Variants in CFTR observed in about 807,000 individuals in gnomAD.
CFTR encodes the protein CF transmembrane conductance regulator.
CFTR carries 181 observed loss-of-function variants against 171.6 expected under a neutral mutation model. The ratio of observed to expected loss-of-function variants is 1.05; its 90% confidence interval spans 0.93 to 1.19. CFTR has a LOEUF of 1.19. Among genes scored for constraint, CFTR ranks in the 50% most tolerant of loss-of-function variants. The pLI is 0.00. For synonymous variants in CFTR, 583 were observed against 608.0 expected, an observed-to-expected ratio of 0.96 and a Z score of 0.60; for missense variants, 1,968 against 1,734.7, an observed-to-expected ratio of 1.13 and a Z score of -2.39.
intron 24 of CFTR, among the ~76,000 whole-genome samples, chr7:117,653,886 C>G (rs1229938881): frequency 6.6e-6 from 1 of 152,112 alleles, no homozygotes; most frequent in Non-Finnish European, 1.5e-5. Context: ...ATTGTGAAAT[C>G]AAACCTATTA....
rs1792042277 is a variant in CFTR at position 117,592,297 on chromosome 7, A to C, written c.2130A>C (p.Lys710Asn). Reference sequence around the variant, plus strand: ...TCAATCCAATCAACTCTATACGAAAATTTTCCATTGTGCAAAAGACTCCCT... The same window carrying C: ...TCAATCCAATCAACTCTATACGAAACTTTTCCATTGTGCAAAAGACTCCCT... ...SILNPINSIR[K>N]FSIVQKTPLQ... Residue 710 changes from lysine to asparagine, a missense_variant, in exon 14 of 27, where the codon AAA becomes AAC. Coordinates refer to ENST00000003084, the MANE Select transcript of CFTR (RefSeq NM_000492.4). The C allele has an allele frequency of 1.2e-6, 2 of 1,613,938 alleles. No homozygotes were observed. The highest frequency in any genetic ancestry group is 1.7e-6 in the Non-Finnish European group (2 of 1,180,020).
chr7:117,583,470 T>C (rs890818074), intron 11 of CFTR, among the ~76,000 whole-genome samples: 1 of 152,210 alleles, frequency 6.6e-6, no homozygotes, highest in African/African-American at 2.4e-5. Flanking sequence ...AAATTGTCTC[T>C]AGCTCCATTC....
intron 15 of CFTR, among the ~76,000 whole-genome samples, chr7:117,599,867 C>T (rs1393878782): frequency 1.3e-5 from 2 of 152,020 alleles, no homozygotes; most frequent in African/African-American, 2.4e-5. Flanking sequence ...GTCTCATGAG[C>T]ATGTCACATT....
chr7:117,655,132 T>C (rs576874332), intron 24 of CFTR, among the ~76,000 whole-genome samples: 4 of 152,332 alleles, frequency 2.6e-5, no homozygotes, highest in African/African-American at 4.8e-5. Context: ...GGCTTTCTCA[T>C]CTTTCACAAT....
chr7:117,584,573 G>C (rs1791901505), intron 11 of CFTR, among the ~76,000 whole-genome samples: 1 of 152,140 alleles, frequency 6.6e-6, no homozygotes, highest in African/African-American at 2.4e-5. Context: ...AGTAACTATA[G>C]CCTTGTAGTA....
At chr7:117,605,111 G>C (rs1010394738) in intron 17 of CFTR, 1 of 152,140 alleles carries the variant, frequency 6.6e-6, no homozygotes, top group African/African-American at 2.4e-5. Flanking sequence ...CCTTCTGTGG[G>C]GTTTTGTTCC....
Position 117,571,964 on chromosome 7 carries a change from T to C in CFTR, c.1584+12309T>C, listed in dbSNP as rs1277723071. On this transcript the variant is annotated intron_variant, in intron 11 of 26. Transcript: ENST00000003084. Reference sequence around the variant, plus strand: ...AGTTTTCTGCTATATATTTGGTCAGTTCCTATCAGTGAAGGAAAAACCTTT... The same window carrying C: ...AGTTTTCTGCTATATATTTGGTCAGCTCCTATCAGTGAAGGAAAAACCTTT... Among the ~76,000 whole-genome samples, 6 of 151,530 alleles carry C rather than the reference T, an allele frequency of 4.0e-5. No individual in the cohort carries two copies. The highest frequency in any genetic ancestry group is 3.3e-4 in the Admixed American group (5 of 15,134).
chr7:117,631,344 A>G (rs1046952578), intron 22 of CFTR, among the ~76,000 whole-genome samples: 5 of 152,074 alleles, frequency 3.3e-5, no homozygotes, highest in Admixed American at 3.3e-4. Flanking sequence ...GGTGAATAAC[A>G]TCCTTTGTTA....
chr7:117,599,009 T>C (rs1792180126), intron 15 of CFTR, among the ~76,000 whole-genome samples: 1 of 152,186 alleles, frequency 6.6e-6, no homozygotes, highest in Non-Finnish European at 1.5e-5. Flanking sequence ...AACAAGTTCA[T>C]AACAGCAATA....
rs756794531 is a variant in CFTR at position 117,664,688 on chromosome 7, G to T, written c.3964G>T (p.Val1322Phe). The T allele has an allele frequency of 2.5e-6, 4 of 1,613,740 alleles. No individual in the cohort carries two copies. In the East Asian group the frequency reaches 6.7e-5, roughly 27 times the overall value. Residue 1322 changes from valine to phenylalanine, a missense_variant and splice_region_variant, in exon 25 of 27, where the codon GTT becomes TTT. Physicochemically the swap from Val to Phe is conservative, Grantham distance 50. Coordinates refer to ENST00000003084, the MANE Select transcript of CFTR (RefSeq NM_000492.4). ...TCTGAACTATCTTCTCTAACTGCAG[G>T]TTGGGCTCAGATCTGTGATAGAACA... is the stretch of plus-strand genomic sequence containing the variant. ...DQEIWKVADE[V>F]GLRSVIEQFP... is the part of the protein sequence containing the mutation.
At chr7:117,627,306 T>C (rs928752655) in intron 21 of CFTR, among the ~76,000 whole-genome samples, 1 of 152,110 alleles carries the variant, frequency 6.6e-6, no homozygotes, top group Non-Finnish European at 1.5e-5. Flanking sequence ...AACAGGCCTA[T>C]ACAGAGCCCA....
intron 1 of CFTR, 65 bp downstream of exon 1, chr7:117,480,212 G>A: frequency 6.7e-7 from 1 of 1,492,604 alleles, no homozygotes; most frequent in Non-Finnish European, 9.4e-7. Flanking sequence ...GCGTGTGTAT[G>A]GGTTGGGTTT....
At chr7:117,497,395 G>T (rs1798256459) in intron 1 of CFTR, among the ~76,000 whole-genome samples, 1 of 152,142 alleles carries the variant, frequency 6.6e-6, no homozygotes, top group South Asian at 2.1e-4. Context: ...TTGATATGAA[G>T]AAGCATGTAA....
chr7:117,599,375 CTTAA>C (rs1336814056), intron 15 of CFTR, among the ~76,000 whole-genome samples: 2 of 152,168 alleles, frequency 1.3e-5, no homozygotes, highest in African/African-American at 4.8e-5. Flanking sequence ...ATGGTATATA[CTTAA>C]TTAATTAAGT....
At chr7:117,507,659 G>A (rs1798442909) in intron 2 of CFTR, among the ~76,000 whole-genome samples, 1 of 152,164 alleles carries the variant, frequency 6.6e-6, no homozygotes, top group Non-Finnish European at 1.5e-5. Flanking sequence ...GAAATAGATG[G>A]GAAAAGGTAA....
chr7:117,504,377 C>G lies in CFTR; in HGVS notation c.164+14C>G. 1.6e-6 allele frequency: 2 copies of G among 1,245,228 alleles called. No homozygotes were observed. Among genetic ancestry groups the G allele is most frequent in the Non-Finnish European group, 2.4e-6 (2 of 843,926 alleles). 77.1% of individuals were successfully genotyped at this position (1,245,228 alleles called of 1,614,324 possible). A position where few individuals can be genotyped will look rare whatever the true frequency, so the allele number is the denominator to read the frequency against. On this transcript the variant is annotated intron_variant, in intron 2 of 26. Coordinates refer to ENST00000003084, the MANE Select transcript of CFTR (RefSeq NM_000492.4). ...AAAATTGGAAAGGTATGTTCATGTA[C>G]ATTGTTTAGTTGAAGAGAGAAATTC...
At chr7:117,576,292 C>G (rs1394495839) in intron 11 of CFTR, among the ~76,000 whole-genome samples, 1 of 152,070 alleles carries the variant, frequency 6.6e-6, no homozygotes, top group Non-Finnish European at 1.5e-5. Context: ...TTTAGAAAAG[C>G]GTCAGAATTG....
intron 3 of CFTR, among the ~76,000 whole-genome samples, chr7:117,513,427 T>G (rs992904281): frequency 1.6e-5 from 2 of 123,512 alleles, no homozygotes; most frequent in Non-Finnish European, 3.2e-5. Context: ...AGTTAATCTC[T>G]CCTAGATTTG....
intron 3 of CFTR, among the ~76,000 whole-genome samples, chr7:117,513,590 G>A (rs1246882505): frequency 1.3e-5 from 2 of 152,170 alleles, no homozygotes; most frequent in Non-Finnish European, 1.5e-5. Flanking sequence ...TGAAATATAT[G>A]TGGGGGTAAA....
Sources: allele counts gnomAD v4.1 joint callset (sites outside exome capture counted in the v4.1 genomes callset), GRCh38; gene constraint gnomAD v4.1.1; transcripts MANE v1.5; gene names NCBI Gene and HGNC (gene_info 2026-07-23, HGNC 2026-07-21).